FRMD5: variants seen among roughly 807,000 people sequenced by gnomAD.
FRMD5 encodes FERM domain containing 5.
A neutral mutation model predicts 69.0 loss-of-function variants in FRMD5; 20 were observed. That is an observed-to-expected ratio of 0.29 (90% confidence interval 0.20 to 0.42). The LOEUF (loss-of-function observed/expected upper bound fraction) is 0.42, where lower values mean the gene tolerates loss of function less well. Ranked by LOEUF, FRMD5 falls within the 10% of genes least tolerant of loss-of-function variation. FRMD5 has a pLI of 1.00. For synonymous variants in FRMD5, 271 were observed against 260.1 expected (o/e 1.04, Z -0.40); for missense variants, 595 against 708.6 (o/e 0.84, Z 1.82).
intron 1 of FRMD5, among the ~76,000 whole-genome samples, chr15:44,176,098 A>T (rs2077890042): frequency 1.3e-5 from 2 of 152,182 alleles, no homozygotes. Flanking sequence ...AAAAAGAATG[A>T]AGGTGGTGAA....
intron 1 of FRMD5, among the ~76,000 whole-genome samples, chr15:44,159,842 C>T (rs989863304): frequency 6.6e-6 from 1 of 152,154 alleles, no homozygotes; most frequent in Admixed American, 6.5e-5. Context: ...AGCCATTTTT[C>T]ATACCTTTAA....
At chr15:44,122,848 G>A (rs1386575660) in intron 1 of FRMD5, among the ~76,000 whole-genome samples, 1 of 151,850 alleles carries the variant, frequency 6.6e-6, no homozygotes, top group African/African-American at 2.4e-5. Flanking sequence ...CTGAGATCGT[G>A]CCACTGCACT....
intron 1 of FRMD5, among the ~76,000 whole-genome samples, chr15:44,057,396 A>T (rs114593346): frequency 1.1e-3 from 165 of 152,220 alleles, no homozygotes; most frequent in African/African-American, 3.9e-3. Flanking sequence ...GTGAGCCACC[A>T]CGCCTGGCTG....
At chr15:44,160,970 T>A (rs1033911903) in intron 1 of FRMD5, among the ~76,000 whole-genome samples, 1 of 152,232 alleles carries the variant, frequency 6.6e-6, no homozygotes, top group Non-Finnish European at 1.5e-5. Flanking sequence ...TGTACCATAT[T>A]GTACAAGAGA....
At chr15:43,878,803 G>C (rs905637891) in intron 13 of FRMD5, among the ~76,000 whole-genome samples, 3 of 152,110 alleles carry the variant, frequency 2.0e-5, no homozygotes, top group African/African-American at 7.2e-5. Flanking sequence ...GGGAAGGAGA[G>C]GCAGATGCTG....
chr15:43,949,515 C>T (rs886593505), intron 1 of FRMD5, among the ~76,000 whole-genome samples: 4 of 152,198 alleles, frequency 2.6e-5, no homozygotes, highest in African/African-American at 9.7e-5. Flanking sequence ...CAAAAAAACA[C>T]TGAATTAAAC....
chr15:43,989,651 A>G (rs1889572720), intron 1 of FRMD5: 3 of 899,404 alleles, frequency 3.3e-6, no homozygotes, highest in Non-Finnish European at 5.6e-6. Flanking sequence ...AGCCAGGCAC[A>G]CACGCAGGAT....
intron 1 of FRMD5, among the ~76,000 whole-genome samples, chr15:44,076,816 T>C (rs1893791226): frequency 6.6e-6 from 1 of 151,504 alleles, no homozygotes; most frequent in African/African-American, 2.4e-5. Flanking sequence ...TGAACAAGTA[T>C]AGAGGCTTTC....
At chr15:43,876,665 C>G (rs1429347638) in intron 13 of FRMD5, among the ~76,000 whole-genome samples, 2 of 152,188 alleles carry the variant, frequency 1.3e-5, no homozygotes, top group Non-Finnish European at 2.9e-5. Context: ...TGCAGCTGCT[C>G]TCAGTCTCTT....
At chr15:44,145,128 G>A (rs2077337647) in intron 1 of FRMD5, among the ~76,000 whole-genome samples, 1 of 152,176 alleles carries the variant, frequency 6.6e-6, no homozygotes, top group African/African-American at 2.4e-5. Flanking sequence ...TTTTGCTCCT[G>A]ATGCTGCTTG....
intron 1 of FRMD5, among the ~76,000 whole-genome samples, chr15:43,960,175 G>A (rs2090174940): frequency 6.6e-6 from 1 of 152,056 alleles, no homozygotes; most frequent in South Asian, 2.1e-4. Flanking sequence ...TGCAAACTCC[G>A]CCTCTAGGGT....
chr15:44,138,851 CA>C lies in FRMD5; in HGVS notation c.102+56101del, dbSNP rs1287605079. Among the ~76,000 whole-genome samples the C allele has an allele frequency of 2.0e-5, 3 of 152,134 alleles. No homozygotes were observed. The East Asian group carries it at 5.8e-4, about 29-fold the overall frequency. On this transcript the variant is annotated intron_variant, in intron 1 of 13. Transcript: ENST00000417257. Reference sequence around the variant, plus strand: ...GTGAAAGAATCCAGGAACAAAGCCACAGATTATATAATTCCATTTACATAAA... The same window carrying C: ...GTGAAAGAATCCAGGAACAAAGCCACGATTATATAATTCCATTTACATAAA...
intron 1 of FRMD5, among the ~76,000 whole-genome samples, chr15:44,114,720 T>C (rs1441759632): frequency 6.6e-6 from 1 of 152,234 alleles, no homozygotes; most frequent in Non-Finnish European, 1.5e-5. Flanking sequence ...AATCTGATAA[T>C]TGTAGTACCC....
chr15:43,932,068 T>G (rs2140467003), intron 1 of FRMD5, among the ~76,000 whole-genome samples: 1 of 152,338 alleles, frequency 6.6e-6, no homozygotes, highest in East Asian at 1.9e-4. Flanking sequence ...GAGTTAATCT[T>G]ACATCTAAGG....
At chr15:43,879,966 C>T in intron 13 of FRMD5, 1 of 229,428 alleles carries the variant, frequency 4.4e-6, no homozygotes, top group Admixed American at 5.7e-5. Flanking sequence ...AAAAGTAATG[C>T]TTCCTTGGCC....
intron 1 of FRMD5, among the ~76,000 whole-genome samples, chr15:43,971,073 A>G (rs532510523): frequency 1.5e-4 from 23 of 150,412 alleles, no homozygotes; most frequent in Middle Eastern, 3.4e-3. Flanking sequence ...AAAACAAAAC[A>G]AAACAAAACA....
intron 1 of FRMD5, among the ~76,000 whole-genome samples, chr15:44,155,748 C>T (rs2077517104): frequency 6.6e-6 from 1 of 151,704 alleles, no homozygotes; most frequent in Admixed American, 6.6e-5. Context: ...CACCCATCAC[C>T]ACGCCTGTCT....
chr15:44,140,880 CAAAAAAAAA>C (rs1203954176), intron 1 of FRMD5, among the ~76,000 whole-genome samples: 2 of 31,938 alleles, frequency 6.3e-5, no homozygotes, highest in Non-Finnish European at 1.3e-4. Context: ...GAGACTGTCT[CAAAAAAAAA>C]AAAAAAAAAA....
In FRMD5 at chr15:44,031,610, G is replaced by A. The variant is rs182021746; in HGVS notation, c.103-107301C>T. On this transcript the variant is annotated intron_variant, in intron 1 of 13. Transcript: ENST00000417257. ...TATCCTCATGACCTAACCACCTCCCGAAGGCCCCATCTTCTAATACCATCA... is the reference window on the plus strand; with the variant it reads ...TATCCTCATGACCTAACCACCTCCCAAAGGCCCCATCTTCTAATACCATCA... 5.3e-5 allele frequency among the ~76,000 whole-genome samples: 8 copies of A among 152,132 alleles called. No homozygotes were observed. In the East Asian group the frequency reaches 5.8e-4, roughly 11 times the overall value.
Sources: gnomAD v4.1 joint callset for allele counts (sites outside exome capture counted in the v4.1 genomes callset) on GRCh38, gnomAD v4.1.1 for gene constraint, MANE v1.5 for transcripts, NCBI Gene and HGNC (gene_info 2026-07-23, HGNC 2026-07-21) for gene names.